The following AGMO variants were observed in gnomAD, a reference collection of about 807,000 sequenced individuals.
AGMO encodes alkylglycerol monooxygenase.
AGMO carries 75 observed loss-of-function variants against 60.2 expected under a neutral mutation model. The observed-to-expected ratio is 1.25, with a 90% CI of 1.03 to 1.51. The LOEUF is 1.51. AGMO is among the 40% of genes most tolerant of loss of function. AGMO has a pLI of 0.00. For missense variants in AGMO, 763 were observed against 525.5 expected, an observed-to-expected ratio of 1.45 and a Z score of -4.42; for synonymous variants, 261 against 177.1, an observed-to-expected ratio of 1.47 and a Z score of -3.76.
At chr7:15,524,859 T>C (rs932575363) in intron 3 of AGMO, among the ~76,000 whole-genome samples, 3 of 69,744 alleles carry the variant, frequency 4.3e-5, no homozygotes, top group African/African-American at 1.4e-4. Context: ...CAAAATTCCA[T>C]CTCAAAAAAA....
intron 12 of AGMO, among the ~76,000 whole-genome samples, chr7:15,356,078 C>A (rs759122521): frequency 6.6e-6 from 1 of 152,140 alleles, no homozygotes; most frequent in African/African-American, 2.4e-5. Context: ...CTGACAATTA[C>A]AACTTCGGTG....
At chr7:15,519,915 T>A (rs1298981424) in intron 3 of AGMO, among the ~76,000 whole-genome samples, 1 of 143,130 alleles carries the variant, frequency 7.0e-6, no homozygotes, top group Non-Finnish European at 1.5e-5. Context: ...GAGACCCACC[T>A]CACTTGCAAA....
At chr7:15,266,295 G>A (rs151056849) in intron 12 of AGMO, among the ~76,000 whole-genome samples, 4 of 151,972 alleles carry the variant, frequency 2.6e-5, no homozygotes, top group Non-Finnish European at 5.9e-5. Context: ...GGAGATGGAC[G>A]GTGAAGATGG....
intron 12 of AGMO, among the ~76,000 whole-genome samples, chr7:15,276,312 G>A (rs1000550223): frequency 2.6e-5 from 4 of 151,962 alleles, no homozygotes; most frequent in African/African-American, 7.2e-5. Flanking sequence ...GGATACAAAA[G>A]TATCGACTGG....
Position 15,374,404 on chromosome 7 carries a change from T to C in AGMO, c.1075-8182A>G, listed in dbSNP as rs1783360806. Among the ~76,000 whole-genome samples, 5 of 151,996 alleles carry C rather than the reference T, an allele frequency of 3.3e-5. No homozygotes were observed. In the South Asian group the frequency reaches 8.3e-4, roughly 25 times the overall value. On this transcript the variant is annotated intron_variant, in intron 10 of 12. Transcript: ENST00000342526. Reference sequence around the variant, plus strand: ...TATAATTAACATATAGTTCAAAACATTGAATTGACATGGAGTTCATCAGTT... The same window carrying C: ...TATAATTAACATATAGTTCAAAACACTGAATTGACATGGAGTTCATCAGTT...
At chr7:15,231,759 A>T (rs1782266293) in intron 12 of AGMO, among the ~76,000 whole-genome samples, 1 of 152,180 alleles carries the variant, frequency 6.6e-6, no homozygotes, top group South Asian at 2.1e-4. Context: ...GTAAAATGAT[A>T]TAATGTGATT....
At chr7:15,306,366 C>A in intron 12 of AGMO, 1 of 292,192 alleles carries the variant, frequency 3.4e-6, no homozygotes. Flanking sequence ...ATCAAAAAGA[C>A]CCCTTGGGGC....
At chr7:15,199,199 G>C (rs1781209973), downstream of AGMO, among the ~76,000 whole-genome samples, 1 of 152,036 alleles carries the variant, frequency 6.6e-6, no homozygotes, top group Admixed American at 6.6e-5. Context: ...GAGGTGTCTG[G>C]AACATTACCT....
At chr7:15,554,988 T>C (rs939669896) in intron 2 of AGMO, among the ~76,000 whole-genome samples, 2 of 151,800 alleles carry the variant, frequency 1.3e-5, no homozygotes, top group African/African-American at 4.8e-5. Flanking sequence ...CAAGTGACAT[T>C]TGGTGTAATA....
chr7:15,464,799 T>C (rs187140281), intron 3 of AGMO, among the ~76,000 whole-genome samples: 1 of 152,296 alleles, frequency 6.6e-6, no homozygotes, highest in East Asian at 1.9e-4. Flanking sequence ...AAAGAATAAA[T>C]ACTGTTAGGG....
rs149068421 is a variant in AGMO at position 15,407,300 on chromosome 7, G to A, written c.609+11258C>T. On this transcript the variant is annotated intron_variant, in intron 5 of 12. Coordinates refer to ENST00000342526, the MANE Select transcript of AGMO (RefSeq NM_001004320.2). ...TTATATTTATATAAACACTAGAAATGCATACATGAATAAGCAATGGGGTGA... is the reference window on the plus strand; with the variant it reads ...TTATATTTATATAAACACTAGAAATACATACATGAATAAGCAATGGGGTGA... Among the ~76,000 whole-genome samples, 661 of 145,434 alleles carry A rather than the reference G, an allele frequency of 4.5e-3. 3 individuals are homozygous for A. Among genetic ancestry groups the A allele is most frequent in the African/African-American group, 0.016 (627 of 40,278 alleles).
chr7:15,329,465 T>C lies in AGMO; in HGVS notation c.1263+36049A>G, dbSNP rs1781438042. ...TGACAAGAAATTGTCTATCCTTGTG[T>C]GGCCTTGAACCAGGCAAACAAAAAA... is the stretch of plus-strand genomic sequence containing the variant. On this transcript the variant is annotated intron_variant, in intron 12 of 12. Transcript: ENST00000342526. 3.3e-5 allele frequency among the ~76,000 whole-genome samples: 5 copies of C among 152,182 alleles called. No individual in the cohort carries two copies. In the South Asian group the frequency reaches 1.0e-3, roughly 31 times the overall value.
At chr7:15,476,596 T>C (rs188128671) in intron 3 of AGMO, among the ~76,000 whole-genome samples, 1 of 152,238 alleles carries the variant, frequency 6.6e-6, no homozygotes, top group East Asian at 1.9e-4. Context: ...TTTTTTTTCT[T>C]TTTCTTTAGT....
intron 3 of AGMO, among the ~76,000 whole-genome samples, chr7:15,497,459 T>G (rs1364827670): frequency 6.6e-6 from 1 of 152,156 alleles, no homozygotes; most frequent in Non-Finnish European, 1.5e-5. Flanking sequence ...TATGGAATTC[T>G]ATAAATGGAG....
At chr7:15,119,956 G>C in the AGMO span, among the ~76,000 whole-genome samples, 1 of 140,942 alleles carries the variant, frequency 7.1e-6, no homozygotes, top group African/African-American at 2.7e-5. Flanking sequence ...TCTAAATCCA[G>C]TTTCTCCTCT....
intron 12 of AGMO, among the ~76,000 whole-genome samples, chr7:15,352,538 G>C (rs146261880): frequency 6.6e-6 from 1 of 151,832 alleles, no homozygotes; most frequent in Non-Finnish European, 1.5e-5. Context: ...TTCAGGGGAG[G>C]GGGTGGTGCT....
At chr7:15,210,604 T>C (rs1781561795) in intron 12 of AGMO, among the ~76,000 whole-genome samples, 1 of 152,126 alleles carries the variant, frequency 6.6e-6, no homozygotes, top group Non-Finnish European at 1.5e-5. Context: ...TAATCTATAT[T>C]ACTAGGTAAC....
At chr7:15,235,321 T>C (rs951338663) in intron 12 of AGMO, among the ~76,000 whole-genome samples, 2 of 152,116 alleles carry the variant, frequency 1.3e-5, no homozygotes, top group Non-Finnish European at 2.9e-5. Flanking sequence ...TTTTTGTCCC[T>C]AGAATTTTGC....
At chr7:15,426,554 G>T (rs1412764715) in intron 4 of AGMO, among the ~76,000 whole-genome samples, 1 of 152,010 alleles carries the variant, frequency 6.6e-6, no homozygotes, top group Admixed American at 6.6e-5. Flanking sequence ...TTGAAGTCCA[G>T]CCTGGGCAAC....
Sources: gnomAD v4.1 joint callset for allele counts (sites outside exome capture counted in the v4.1 genomes callset) on GRCh38, gnomAD v4.1.1 for gene constraint, MANE v1.5 for transcripts, NCBI Gene and HGNC (gene_info 2026-07-23, HGNC 2026-07-21) for gene names.